Variants in KCNAB3 observed in about 807,000 individuals in gnomAD.
The protein encoded by KCNAB3 is potassium voltage-gated channel subfamily A regulatory beta subunit 3.
KCNAB3 carries 62 observed loss-of-function variants against 67.7 expected under a neutral mutation model. The observed-to-expected ratio is 0.92, with a 90% CI of 0.75 to 1.13. The LOEUF is 1.13. KCNAB3 is among the 50% of genes most tolerant of loss of function. The pLI is 0.00. For missense variants in KCNAB3, 514 were observed against 522.9 expected, an observed-to-expected ratio of 0.98 and a Z score of 0.17; for synonymous variants, 212 against 205.4, an observed-to-expected ratio of 1.03 and a Z score of -0.27.
At position 7,923,543 on chromosome 17, in the gene KCNAB3, C is replaced by A. The variant is rs1253195890; in HGVS notation, c.1050G>T (p.Ala350=). 2 of 1,605,828 alleles carry A rather than the reference C, an allele frequency of 1.2e-6. No homozygotes were observed. Among genetic ancestry groups the A allele is most frequent in the Non-Finnish European group, 8.5e-7 (1 of 1,176,204 alleles). Residue 350 remains alanine (A), a splice_region_variant and synonymous_variant, in exon 13 of 14, where the codon GCG becomes GCT. Transcript: ENST00000303790. ...TGACACCCTCACTGCGGAGACACCA[C>A]GCTGGGGCCAGAGGAGGAAAAAAAG... The part of the protein sequence containing the change: ...LGCTVAQLAI[A]WCLRSEGVSS...
At position 7,929,284 on chromosome 17, in the gene KCNAB3, G is replaced by T. The variant is rs771733462; in HGVS notation, c.152C>A (p.Pro51His). ...GGGAACCAGTGCAGCTCGGGCCTTG[G>T]GGCCAGACCCTCCACCCCCCGGAGG... Reference protein sequence around the residue: ...GNPPGGGGSGPKARAALVPRP... With the variant: ...GNPPGGGGSGHKARAALVPRP... Residue 51 changes from proline to histidine, a missense_variant, in exon 1 of 14, where the codon CCC becomes CAC. By Grantham distance (77) the Pro-to-His change is moderately conservative (BLOSUM62 -2). Coordinates refer to ENST00000303790, the MANE Select transcript of KCNAB3 (RefSeq NM_004732.4). This position sits in a 1 kb window ranked among gnomAD's most constrained non-coding sequence, Gnocchi z 5.7. 5.0e-6 allele frequency: 8 copies of T among 1,592,040 alleles called. No homozygotes were observed. In the South Asian group the frequency reaches 7.9e-5, roughly 16 times the overall value.
At chr17:7,926,145 C>T in intron 4 of KCNAB3, 42 bp from the exon 5 acceptor site, 1 of 1,609,314 alleles carries the variant, frequency 6.2e-7, no homozygotes, top group Non-Finnish European at 8.5e-7. Flanking sequence ...CCTTCTAGGC[C>T]AATCAATTCC....
At chr17:7,925,222 C>T in intron 7 of KCNAB3, 39 bp from the exon 8 acceptor site, 1 of 1,533,854 alleles carries the variant, frequency 6.5e-7, no homozygotes, top group South Asian at 1.1e-5. Flanking sequence ...AGCACCTCAG[C>T]TTCAGTGTAC....
intron 4 of KCNAB3, 68 bp from the exon 5 acceptor site, chr17:7,926,171 CCTTTTCCTCT>C (rs1972225327): frequency 5.1e-6 from 8 of 1,572,706 alleles, no homozygotes; most frequent in Non-Finnish European, 7.0e-6. Flanking sequence ...CTCCTCCCCA[CCTTTTCCTCT>C]CTTGCAAAGT....
At position 7,923,003 on chromosome 17, in the gene KCNAB3, C is replaced by CCG; in HGVS notation, c.*97_*98dup. The CCG allele has an allele frequency of 8.6e-7, 1 of 1,160,642 alleles. No homozygotes were observed. The highest frequency in any genetic ancestry group is 1.3e-6 in the Non-Finnish European group (1 of 773,100). 71.9% of individuals were successfully genotyped at this position (1,160,642 alleles called of 1,614,324 possible). ...GTGGGCGGGGCTAGTCTGGCTCCGG[C>CCG]CGCTGCGTGGAGGGATCCGGAGCGG... is the stretch of plus-strand genomic sequence containing the variant. On this transcript the variant is annotated 3_prime_UTR_variant, in exon 14 of 14. Coordinates refer to ENST00000303790, the MANE Select transcript of KCNAB3 (RefSeq NM_004732.4).
rs1972124872 is a variant in KCNAB3, at chr17:7,923,711, C to G, written c.1048G>C (p.Ala350Pro). 1.3e-6 allele frequency: 2 copies of G among 1,558,856 alleles called. No individual in the cohort carries two copies. Among genetic ancestry groups the G allele is most frequent in the South Asian group, 2.4e-5 (2 of 84,826 alleles). The change falls in exon 12 of 14, where the codon GCG becomes CCG. Residue 350 changes from alanine (A) to proline (P), a missense_variant and splice_region_variant. Physicochemically the swap from Ala to Pro is conservative, Grantham distance 27. Coordinates refer to ENST00000303790, the MANE Select transcript of KCNAB3 (RefSeq NM_004732.4). ...LGCTVAQLAI[A>P]WCLRSEGVSS... ...GCCCCTGCAGGGTGCAATGTCTCACCAATAGCAAGCTGGGCCACGGTGCAG... is the reference window on the plus strand; with the variant it reads ...GCCCCTGCAGGGTGCAATGTCTCACGAATAGCAAGCTGGGCCACGGTGCAG...
chr17:7,929,561 G>A lies in KCNAB3; in HGVS notation c.-126C>T. 3 of 1,468,082 alleles carry A rather than the reference G, an allele frequency of 2.0e-6. No individual in the cohort carries two copies. The highest frequency in any genetic ancestry group is 2.7e-6 in the Non-Finnish European group (3 of 1,117,170). 90.9% of individuals were successfully genotyped at this position (1,468,082 alleles called of 1,614,324 possible). ...GCAGAGCGGGAAGGCTGAGGAGGCT[G>A]CGGCGGGAGCCGCCAGGCAGGATCG... is the stretch of plus-strand genomic sequence containing the variant. On this transcript the variant is annotated 5_prime_UTR_variant, in exon 1 of 14. Transcript: ENST00000303790. The surrounding 1 kb of genome is among the most constrained non-coding windows in gnomAD (Gnocchi z 5.7).
At chr17:7,927,456 T>G in intron 3 of KCNAB3, 33 bp from the exon 4 acceptor site, 1 of 1,598,134 alleles carries the variant, frequency 6.3e-7, no homozygotes, top group African/African-American at 1.3e-5. Context: ...GATCAACTAC[T>G]GCTCCTCAGT....
Position 7,929,824 on chromosome 17 carries a change from G to GTT in KCNAB3, c.-390_-389insAA. On this transcript the variant is annotated 5_prime_UTR_variant, in exon 1 of 14. Transcript: ENST00000303790. The surrounding 1 kb of genome is among the most constrained non-coding windows in gnomAD (Gnocchi z 5.7). ...GCGCGAACCGCTGCGGGACCCGCTGGGCTCCCAGCCGCGTCGGCAGCGGGC... is the reference window on the plus strand; with the variant it reads ...GCGCGAACCGCTGCGGGACCCGCTGGTTGCTCCCAGCCGCGTCGGCAGCGGGC... 3.0e-6 allele frequency: 3 copies of GTT among 1,015,322 alleles called. No homozygotes were observed. The highest frequency in any genetic ancestry group is 3.9e-5 in the South Asian group (1 of 25,726). The allele number at this position is 1,015,322 out of a possible 1,614,324, so 62.9% of individuals were successfully genotyped here.
intron 4 of KCNAB3, 121 bp from the exon 5 acceptor site, chr17:7,926,224 A>G: frequency 9.1e-7 from 1 of 1,100,694 alleles, no homozygotes; most frequent in Non-Finnish European, 1.3e-6. Flanking sequence ...TTCAGCTCAC[A>G]GCCCCATCCT....
rs764187033 is a variant in KCNAB3 at position 7,927,817 on chromosome 17, C to G, written c.252G>C (p.Gly84=). Residue 84 remains glycine (G), a synonymous_variant, in exon 2 of 14, where the codon GGG becomes GGC. Coordinates refer to ENST00000303790, the MANE Select transcript of KCNAB3 (RefSeq NM_004732.4). ...RGTGMKYRNL[G]KSGLRVSCLG... Reference sequence around the variant, plus strand: ...GACAGGATACCCGAAGACCAGACTTCCCTAGGTTCCTGCAAGATACAGAAG... The same window carrying G: ...GACAGGATACCCGAAGACCAGACTTGCCTAGGTTCCTGCAAGATACAGAAG... The G allele has an allele frequency of 9.9e-6, 16 of 1,614,138 alleles. No individual in the cohort carries two copies. Among genetic ancestry groups the G allele is most frequent in the Admixed American group, 1.7e-5 (1 of 60,030 alleles).
chr17:7,922,783 C>T lies in KCNAB3; in HGVS notation c.*319G>A. On this transcript the variant is annotated 3_prime_UTR_variant, in exon 14 of 14. Coordinates refer to ENST00000303790, the MANE Select transcript of KCNAB3 (RefSeq NM_004732.4). ...TGTTTTTGTTTTCTTTTCTGGGCCTCGGGAATAAGGGGAGGAGAGTAGGGA... is the reference window on the plus strand; with the variant it reads ...TGTTTTTGTTTTCTTTTCTGGGCCTTGGGAATAAGGGGAGGAGAGTAGGGA... The T allele has an allele frequency of 2.3e-6, 1 of 428,726 alleles. No individual in the cohort carries two copies. The highest frequency in any genetic ancestry group is 3.3e-5 in the South Asian group (1 of 30,412). 26.6% of individuals were successfully genotyped at this position (428,726 alleles called of 1,614,324 possible).
chr17:7,923,265 A>C (rs1379837517), intron 13 of KCNAB3, 86 bp from the exon 14 acceptor site: 2 of 1,411,224 alleles, frequency 1.4e-6, no homozygotes, highest in African/African-American at 2.8e-5. Flanking sequence ...GGGAAGCACC[A>C]CAGTGGGGTC....
intron 7 of KCNAB3, 110 bp downstream of exon 7, chr17:7,925,573 G>T: frequency 6.4e-6 from 6 of 942,952 alleles, no homozygotes; most frequent in South Asian, 2.8e-5. Context: ...TTGCCCCCTT[G>T]CCATGGCCAC....
rs773873323 is a variant in KCNAB3, at chr17:7,923,438, T to G, written c.1137+18A>C. 2.5e-6 allele frequency: 4 copies of G among 1,600,916 alleles called. No individual in the cohort carries two copies. The highest frequency in any genetic ancestry group is 3.4e-6 in the Non-Finnish European group (4 of 1,173,802). On this transcript the variant is annotated intron_variant, in intron 13 of 13. Coordinates refer to ENST00000303790, the MANE Select transcript of KCNAB3 (RefSeq NM_004732.4). Reference sequence around the variant, plus strand: ...GGGAGGGGGACAGATAGGCTCTGCCTCTGAGTCCCCGGCTCACCTGTAGCG... The same window carrying G: ...GGGAGGGGGACAGATAGGCTCTGCCGCTGAGTCCCCGGCTCACCTGTAGCG...
chr17:7,924,257 G>A lies in KCNAB3; in HGVS notation c.720C>T (p.Tyr240=), dbSNP rs368190219. ...RWGAAEIMEA[Y]SMARQFNLIP... Reference sequence around the variant, plus strand: ...TCAGATTGAACTGTCTGGCCATGGAGTAGGCCTCCTGGGTTGGGGTTGGGG... The same window carrying A: ...TCAGATTGAACTGTCTGGCCATGGAATAGGCCTCCTGGGTTGGGGTTGGGG... The change falls in exon 10 of 14, where the codon TAC becomes TAT. Residue 240 remains tyrosine, a synonymous_variant. Transcript: ENST00000303790. The A allele has an allele frequency of 9.3e-6, 15 of 1,614,166 alleles. No individual in the cohort carries two copies. The African/African-American group carries it at 9.3e-5, about 10-fold the overall frequency.
chr17:7,928,990 T>A, intron 1 of KCNAB3: 1 of 797,322 alleles, frequency 1.3e-6, no homozygotes, highest in South Asian at 1.8e-5. Context: ...CAGTCAACCT[T>A]GGTAAACTTG....
rs1291343406 is a variant in KCNAB3, at chr17:7,924,412, C to T, written c.711+3G>A. ...CAGGGGCAAGGTGGGGTCACACACT[C>T]ACCATGATTTCTGCAGCCCCCCATC... On this transcript the variant is annotated splice_donor_region_variant and intron_variant, in intron 9 of 13. Transcript: ENST00000303790. 3.7e-6 allele frequency: 6 copies of T among 1,613,292 alleles called. No homozygotes were observed. The highest frequency in any genetic ancestry group is 2.2e-5 in the East Asian group (1 of 44,890).
Position 7,924,207 on chromosome 17 carries a change from T to A in KCNAB3, c.770A>T (p.Glu257Val), listed in dbSNP as rs1470382681. 1.2e-6 allele frequency: 2 copies of A among 1,614,172 alleles called. No homozygotes were observed. Among genetic ancestry groups the A allele is most frequent in the Non-Finnish European group, 1.7e-6 (2 of 1,179,998 alleles). Residue 257 changes from glutamate to valine, a missense_variant, in exon 10 of 14, where the codon GAG (glutamate) becomes GTG (valine). By Grantham distance (121) the Glu-to-Val change is moderately radical (BLOSUM62 -2). Transcript: ENST00000303790. Reference protein sequence around the residue: ...NLIPPVCEQAEHHLFQREKVE... With the variant: ...NLIPPVCEQAVHHLFQREKVE... ...CTTCTCCCTCTGAAACAGATGGTGC[T>A]CCGCTTGTTCACACACTGGAGGAAT...
Sources: allele counts gnomAD v4.1 joint callset, GRCh38; gene constraint gnomAD v4.1.1; non-coding constraint Gnocchi (gnomAD v3.1); transcripts MANE v1.5; gene names NCBI Gene and HGNC (gene_info 2026-07-23, HGNC 2026-07-21).